Variants in PDE4D observed in about 807,000 individuals in gnomAD.
The protein encoded by PDE4D is phosphodiesterase 4D.
PDE4D carries 24 observed loss-of-function variants against 87.4 expected under a neutral mutation model. The ratio of observed to expected loss-of-function variants is 0.27; its 90% confidence interval spans 0.20 to 0.39. PDE4D has a LOEUF of 0.39. Among genes scored for constraint, PDE4D ranks in the 10% least tolerant of loss-of-function variants. The pLI is 1.00. For synonymous variants in PDE4D, 384 were observed against 383.2 expected, an observed-to-expected ratio of 1.00 and a Z score of -0.02; for missense variants, 714 against 1,041.0, an observed-to-expected ratio of 0.69 and a Z score of 4.32.
intron 1 of PDE4D, among the ~76,000 whole-genome samples, chr5:59,445,356 G>A (rs1312894151): frequency 6.6e-6 from 1 of 152,082 alleles, no homozygotes; most frequent in East Asian, 1.9e-4. Context: ...TCCCCCAATG[G>A]TACTGACATA....
intron 1 of PDE4D, among the ~76,000 whole-genome samples, chr5:59,717,690 G>C (rs1755225221): frequency 6.6e-6 from 1 of 152,216 alleles, no homozygotes; most frequent in African/African-American, 2.4e-5. Context: ...AAATCTGACA[G>C]TTGCAATAAT....
chr5:59,486,126 C>A (rs1423314210), intron 1 of PDE4D, among the ~76,000 whole-genome samples: 2 of 152,186 alleles, frequency 1.3e-5, no homozygotes, highest in African/African-American at 2.4e-5. Flanking sequence ...GAGTGAAAGA[C>A]AATCTGCACT....
chr5:60,257,239 A>T (rs1483875361), intron 1 of PDE4D, among the ~76,000 whole-genome samples: 3 of 150,052 alleles, frequency 2.0e-5, no homozygotes, highest in Non-Finnish European at 4.4e-5. Flanking sequence ...AAAGAAAGAA[A>T]GAAAGAAAGA....
chr5:59,664,091 G>T (rs2150299341), intron 1 of PDE4D, among the ~76,000 whole-genome samples: 1 of 152,308 alleles, frequency 6.6e-6, no homozygotes, highest in South Asian at 2.1e-4. Context: ...TAGAGTTAGT[G>T]AGAGTTTTCA....
chr5:59,613,567 A>T (rs190637318), intron 1 of PDE4D, among the ~76,000 whole-genome samples: 1 of 151,454 alleles, frequency 6.6e-6, no homozygotes, highest in East Asian at 1.9e-4. Flanking sequence ...AAAGCTGAGG[A>T]GGATGCAGCA....
chr5:59,012,850 AT>A (rs1010932687), intron 6 of PDE4D, among the ~76,000 whole-genome samples: 1 of 152,224 alleles, frequency 6.6e-6, no homozygotes, highest in Non-Finnish European at 1.5e-5. Flanking sequence ...CAGAACATAC[AT>A]TCTTCTCAGC....
At chr5:59,840,234 CCA>C (rs142164308) in intron 1 of PDE4D, among the ~76,000 whole-genome samples, 801 of 144,410 alleles carry the variant, frequency 5.5e-3, no homozygotes, top group South Asian at 0.015. Context: ...ACGTGCACTG[CCA>C]CACACACACA....
At chr5:60,268,003 C>G (rs1750397733) in intron 1 of PDE4D, among the ~76,000 whole-genome samples, 1 of 152,064 alleles carries the variant, frequency 6.6e-6, no homozygotes. Context: ...TATGAAAGAA[C>G]AAAATCACTT....
chr5:59,279,910 A>G (rs1176638724), intron 1 of PDE4D, among the ~76,000 whole-genome samples: 1 of 152,004 alleles, frequency 6.6e-6, no homozygotes, highest in East Asian at 1.9e-4. Flanking sequence ...AAATTCATCC[A>G]TCCTCTTTAG....
chr5:59,754,791 C>A (rs7708952), intron 1 of PDE4D, among the ~76,000 whole-genome samples: 2 of 125,614 alleles, frequency 1.6e-5, no homozygotes, highest in Admixed American at 8.2e-5. Flanking sequence ...GAATTTTCCA[C>A]AGAACATTTT....
rs1554037885 is a variant in PDE4D, at chr5:60,449,067, C to CCA, written c.-90+38874_-90+38875insTG. On this transcript the variant is annotated intron_variant, in intron 1 of 16. Coordinates refer to the PDE4D transcript ENST00000502484. ...CCCCTTCACCCACCCCCCCAACTGC[C>CCA]CGCGCACACACACACACACACACAC... Among the ~76,000 whole-genome samples the CCA allele has an allele frequency of 2.0e-3, 260 of 129,742 alleles. 1 individual carries two copies. Among genetic ancestry groups the CCA allele is most frequent in the East Asian group, 0.019 (83 of 4,380 alleles). The allele number at this position is 129,742 out of a possible 152,430, so 85.1% of individuals were successfully genotyped here.
At position 59,727,620 on chromosome 5, in the gene PDE4D, T is replaced by C. The variant is rs879770205; in HGVS notation, c.455+165548A>G. Among the ~76,000 whole-genome samples the C allele has an allele frequency of 3.2e-4, 48 of 152,012 alleles. 1 individual carries two copies. The highest frequency in any genetic ancestry group is 6.5e-4 in the Non-Finnish European group (44 of 67,984). On this transcript the variant is annotated intron_variant, in intron 1 of 14. Coordinates refer to ENST00000340635, the MANE Select transcript of PDE4D (RefSeq NM_001104631.2). ...CCTCAGAACAGCTACTAAATTTGAG[T>C]AGGCAGAGCATGGTTTCTGGAGTCC...
intron 1 of PDE4D, among the ~76,000 whole-genome samples, chr5:59,397,018 A>C (rs1286515053): frequency 7.9e-6 from 1 of 126,982 alleles, no homozygotes; most frequent in African/African-American, 3.1e-5. Flanking sequence ...GGATCAATTC[A>C]ACAAGAAGAG....
chr5:59,628,410 C>T (rs1358051928), intron 1 of PDE4D, among the ~76,000 whole-genome samples: 1 of 152,144 alleles, frequency 6.6e-6, no homozygotes, highest in Non-Finnish European at 1.5e-5. Context: ...TATATCTGTG[C>T]TGTCCAATAT....
chr5:59,564,454 T>A (rs2153692933), intron 1 of PDE4D, among the ~76,000 whole-genome samples: 1 of 152,244 alleles, frequency 6.6e-6, no homozygotes, highest in Non-Finnish European at 1.5e-5. Context: ...TGCCATGTGG[T>A]CCTTCCAGTC....
chr5:59,842,425 A>G (rs1373934331), intron 1 of PDE4D, among the ~76,000 whole-genome samples: 1 of 152,098 alleles, frequency 6.6e-6, no homozygotes, highest in Non-Finnish European at 1.5e-5. Context: ...CCAATGAAAT[A>G]AAACGTGAAG....
At chr5:59,470,371 T>C (rs1008888632) in intron 1 of PDE4D, among the ~76,000 whole-genome samples, 1 of 152,208 alleles carries the variant, frequency 6.6e-6, no homozygotes, top group Non-Finnish European at 1.5e-5. Flanking sequence ...CCATTCCTAC[T>C]GTCCCCTGGT....
intron 1 of PDE4D, among the ~76,000 whole-genome samples, chr5:59,644,072 C>T: frequency 6.6e-6 from 1 of 152,272 alleles, no homozygotes; most frequent in Admixed American, 6.5e-5. Context: ...GGATTAAGGG[C>T]TATTCTTCCA....
intron 5 of PDE4D, among the ~76,000 whole-genome samples, chr5:59,176,935 A>G (rs1201557680): frequency 1.3e-5 from 2 of 152,122 alleles, no homozygotes; most frequent in African/African-American, 2.4e-5. Context: ...AAGCAAGCGC[A>G]TCCATTTTGG....
Sources: allele counts gnomAD v4.1 joint callset (sites outside exome capture counted in the v4.1 genomes callset), GRCh38; gene constraint gnomAD v4.1.1; transcripts MANE v1.5; gene names NCBI Gene and HGNC (gene_info 2026-07-23, HGNC 2026-07-21).